RORA: variants seen among roughly 807,000 people sequenced by gnomAD.
RORA encodes RAR related orphan receptor A.
RORA carries 7 observed loss-of-function variants against 69.5 expected under a neutral mutation model. The observed-to-expected ratio is 0.10, with a 90% CI of 0.06 to 0.19. The LOEUF is 0.19. RORA is among the 10% of genes least tolerant of loss of function. RORA has a pLI of 1.00. For missense variants in RORA, 457 were observed against 663.0 expected (o/e 0.69, Z 3.41); for synonymous variants, 261 against 240.8 (o/e 1.08, Z -0.78).
chr15:61,004,828 G>A (rs1363186668), intron 1 of RORA, among the ~76,000 whole-genome samples: 1 of 152,076 alleles, frequency 6.6e-6, no homozygotes, highest in Non-Finnish European at 1.5e-5. Flanking sequence ...TATAATCAAA[G>A]CTATGCAAAC....
intron 1 of RORA, among the ~76,000 whole-genome samples, chr15:60,904,558 A>C (rs1330156248): frequency 6.6e-6 from 1 of 152,180 alleles, no homozygotes; most frequent in Non-Finnish European, 1.5e-5. Context: ...GTTCTCCTTC[A>C]GTATGGTGGC....
chr15:60,814,287 G>A (rs1205217413), intron 1 of RORA, among the ~76,000 whole-genome samples: 4 of 152,096 alleles, frequency 2.6e-5, no homozygotes, highest in Non-Finnish European at 4.4e-5. Context: ...TCTTCAAGGC[G>A]TTCTGCATGT....
intron 1 of RORA, among the ~76,000 whole-genome samples, chr15:60,943,916 CAAAAAA>C (rs545168599): frequency 1.3e-3 from 42 of 32,356 alleles, no homozygotes; most frequent in African/African-American, 3.3e-3. Flanking sequence ...ACTCCATCTC[CAAAAAA>C]AAAAAAAAAA....
At chr15:61,167,479 A>G (rs1405326258) in intron 1 of RORA, among the ~76,000 whole-genome samples, 1 of 122,714 alleles carries the variant, frequency 8.1e-6, no homozygotes, top group African/African-American at 3.2e-5. Flanking sequence ...TAATTTGACC[A>G]GGATTTTTTT....
At chr15:60,569,565 C>T (rs1212993963) in intron 2 of RORA, among the ~76,000 whole-genome samples, 1 of 151,972 alleles carries the variant, frequency 6.6e-6, no homozygotes, top group Non-Finnish European at 1.5e-5. Flanking sequence ...CATAAAGGGG[C>T]GGAAGGGTGG....
At chr15:60,667,496 G>A (rs950959761) in intron 2 of RORA, among the ~76,000 whole-genome samples, 1 of 152,138 alleles carries the variant, frequency 6.6e-6, no homozygotes, top group East Asian at 1.9e-4. Flanking sequence ...CTTGCAAGCC[G>A]AGAAGTTAAG....
chr15:60,855,225 G>A (rs1224627359), intron 1 of RORA, among the ~76,000 whole-genome samples: 1 of 152,228 alleles, frequency 6.6e-6, no homozygotes, highest in African/African-American at 2.4e-5. Flanking sequence ...AAAGGAATGA[G>A]ACGTCTCCTG....
intron 1 of RORA, among the ~76,000 whole-genome samples, chr15:60,807,857 A>G (rs563685371): frequency 6.6e-6 from 1 of 152,370 alleles, no homozygotes; most frequent in African/African-American, 2.4e-5. Context: ...TGGTGCTGGG[A>G]TAATTGGCAA....
intron 1 of RORA, among the ~76,000 whole-genome samples, chr15:60,844,170 C>T (rs1376773545): frequency 6.6e-6 from 1 of 152,154 alleles, no homozygotes; most frequent in African/African-American, 2.4e-5. Flanking sequence ...TGGCACCTCT[C>T]TGCCCTTCCT....
chr15:60,572,350 C>A (rs1360496867), intron 2 of RORA, among the ~76,000 whole-genome samples: 2 of 152,106 alleles, frequency 1.3e-5, no homozygotes, highest in South Asian at 2.1e-4. Context: ...TGGGCATCAT[C>A]CCTCATATTT....
At position 60,488,408 on chromosome 15, in the gene RORA, TAAC is replaced by T. The variant is rs1227533548; in HGVS notation, c.*9044_*9046del. On this transcript the variant is annotated 3_prime_UTR_variant, in exon 11 of 11. Coordinates refer to ENST00000335670, the MANE Select transcript of RORA (RefSeq NM_134261.3). ...AAAGGTACAGTTTCTAAGTACAATATAACAACATTCATATTAGAATGAAAATTG... is the reference window on the plus strand; with the variant it reads ...AAAGGTACAGTTTCTAAGTACAATATAACATTCATATTAGAATGAAAATTG... 2.6e-5 allele frequency: 4 copies of T among 152,242 alleles called. No homozygotes were observed. The highest frequency in any genetic ancestry group is 7.2e-5 in the African/African-American group (3 of 41,464). 9.4% of individuals were successfully genotyped at this position (152,242 alleles called of 1,614,324 possible).
chr15:60,998,319 A>G (rs1026055690), intron 1 of RORA, among the ~76,000 whole-genome samples: 5 of 151,762 alleles, frequency 3.3e-5, no homozygotes, highest in African/African-American at 2.4e-5. Context: ...ATGTAATACC[A>G]CACCTGGCTG....
chr15:60,780,269 C>T (rs2072234430), intron 1 of RORA, among the ~76,000 whole-genome samples: 1 of 152,192 alleles, frequency 6.6e-6, no homozygotes, highest in Non-Finnish European at 1.5e-5. Context: ...AGTTCTACTG[C>T]ATTTGCTTCT....
At chr15:60,506,577 G>C (rs1171778925) in intron 5 of RORA, among the ~76,000 whole-genome samples, 4 of 152,222 alleles carry the variant, frequency 2.6e-5, no homozygotes. Flanking sequence ...GATTGGCTGG[G>C]TGTGGTGGCT....
At chr15:60,535,234 A>G (rs942153987) in intron 2 of RORA, among the ~76,000 whole-genome samples, 3 of 152,246 alleles carry the variant, frequency 2.0e-5, no homozygotes, top group African/African-American at 7.2e-5. Flanking sequence ...GCCCACATAC[A>G]TATTCATCCC....
rs575347070 is a variant in RORA at position 61,224,927 on chromosome 15, C to T, written c.166+4126G>A. ...GCAGGCTCCATACTTCAGTTTCAGA[C>T]GTAGAGGCATTTTCTAAAGCCAAGG... On this transcript the variant is annotated intron_variant, in intron 1 of 10. Coordinates refer to ENST00000335670, the MANE Select transcript of RORA (RefSeq NM_134261.3). Among the ~76,000 whole-genome samples, 57 of 152,222 alleles carry T rather than the reference C, an allele frequency of 3.7e-4. 1 individual carries two copies. The South Asian group carries it at 0.01, about 28-fold the overall frequency.
At chr15:60,789,623 G>A (rs1023307749) in intron 1 of RORA, among the ~76,000 whole-genome samples, 2 of 152,210 alleles carry the variant, frequency 1.3e-5, no homozygotes, top group African/African-American at 4.8e-5. Flanking sequence ...GGCAGCTGAA[G>A]TTTAAGCAAG....
At chr15:60,653,666 G>A (rs2070179896) in intron 2 of RORA, among the ~76,000 whole-genome samples, 1 of 152,182 alleles carries the variant, frequency 6.6e-6, no homozygotes, top group Non-Finnish European at 1.5e-5. Flanking sequence ...TGGTTGTGAT[G>A]GAAGTTGAGC....
At chr15:60,571,027 G>T (rs777809518) in intron 2 of RORA, among the ~76,000 whole-genome samples, 1 of 151,996 alleles carries the variant, frequency 6.6e-6, no homozygotes, top group Non-Finnish European at 1.5e-5. Flanking sequence ...GCAGATAAAA[G>T]TTCTTTTTTT....
Sources: gnomAD v4.1 joint callset for allele counts (sites outside exome capture counted in the v4.1 genomes callset) on GRCh38, gnomAD v4.1.1 for gene constraint, MANE v1.5 for transcripts, NCBI Gene and HGNC (gene_info 2026-07-23, HGNC 2026-07-21) for gene names.